CSMD1: variants seen among roughly 807,000 people sequenced by gnomAD.
CSMD1 encodes CUB and Sushi multiple domains 1.
CSMD1 carries 213 observed loss-of-function variants against 417.5 expected under a neutral mutation model. That is an observed-to-expected ratio of 0.51 (90% CI 0.46 to 0.57). The LOEUF is 0.57. Among genes scored for constraint, CSMD1 ranks in the 20% least tolerant of loss-of-function variants. The pLI is 0.00. For synonymous variants in CSMD1, 2,862 were observed against 1,736.8 expected (o/e 1.65, Z -16.11); for missense variants, 6,923 against 4,529.7 (o/e 1.53, Z -15.17).
intron 3 of CSMD1, among the ~76,000 whole-genome samples, chr8:4,042,578 A>G (rs1024444332): frequency 6.6e-6 from 1 of 152,050 alleles, no homozygotes; most frequent in African/African-American, 2.4e-5. Context: ...GTAATAGCAT[A>G]GTAAGGAATT....
In CSMD1 at chr8:3,875,470, G is replaced by A. The variant is rs76045825; in HGVS notation, c.819-121428C>T. 4.4e-4 allele frequency among the ~76,000 whole-genome samples: 67 copies of A among 152,222 alleles called. No individual in the cohort carries two copies. The East Asian group carries it at 8.9e-3, about 20-fold the overall frequency. ...TGTAGGTGAATGGGTGGAAAAGCCC[G>A]AACTGGGTTCCGAGGGTCACTGGCA... On this transcript the variant is annotated intron_variant, in intron 5 of 69. Coordinates refer to ENST00000635120, the MANE Select transcript of CSMD1 (RefSeq NM_033225.6).
chr8:4,440,328 G>T (rs1163842295), intron 2 of CSMD1, among the ~76,000 whole-genome samples: 1 of 152,114 alleles, frequency 6.6e-6, no homozygotes, highest in East Asian at 1.9e-4. Flanking sequence ...TCTATTAACT[G>T]GGAAGCATGT....
chr8:3,439,309 A>ATATATATATATATTTTTT lies in CSMD1; in HGVS notation c.1561+29402_1561+29403insAAAAAATATATATATATA. Among the ~76,000 whole-genome samples the ATATATATATATATTTTTT allele has an allele frequency of 4.1e-3, 256 of 62,266 alleles. 2 individuals are homozygous for ATATATATATATATTTTTT. Among genetic ancestry groups the ATATATATATATATTTTTT allele is most frequent in the Non-Finnish European group, 6.0e-3 (209 of 34,658 alleles). 40.8% of individuals were successfully genotyped at this position (62,266 alleles called of 152,430 possible). A position where few individuals can be genotyped will look rare whatever the true frequency, so the allele number is the denominator to read the frequency against. On this transcript the variant is annotated intron_variant, in intron 12 of 69. Transcript: ENST00000635120. ...TATATATATATATATATATATATATATTTTTTTTTTTAATATGTATTTTTA... is the reference window on the plus strand; with the variant it reads ...TATATATATATATATATATATATATATATATATATATATTTTTTTTTTTTTTTTTAATATGTATTTTTA...
chr8:3,535,251 C>A (rs1001616434), intron 10 of CSMD1, among the ~76,000 whole-genome samples: 1 of 152,122 alleles, frequency 6.6e-6, no homozygotes, highest in Non-Finnish European at 1.5e-5. Context: ...CCGCACCCAG[C>A]CACTGTGGGA....
intron 7 of CSMD1, among the ~76,000 whole-genome samples, chr8:3,702,699 G>T (rs187680066): frequency 1.3e-5 from 2 of 152,160 alleles, no homozygotes; most frequent in African/African-American, 2.4e-5. Context: ...GGGCATCGTG[G>T]TGCATGCCTG....
chr8:3,134,400 C>A (rs757422442), intron 41 of CSMD1, among the ~76,000 whole-genome samples: 1 of 152,122 alleles, frequency 6.6e-6, no homozygotes, highest in African/African-American at 2.4e-5. Context: ...CGAAGGCATG[C>A]GCTGCAAGTC....
At chr8:4,168,186 C>A (rs1452442165) in intron 3 of CSMD1, among the ~76,000 whole-genome samples, 6 of 150,790 alleles carry the variant, frequency 4.0e-5, no homozygotes, top group Non-Finnish European at 5.9e-5. Context: ...CATACACACA[C>A]ACGTATGTAT....
intron 3 of CSMD1, among the ~76,000 whole-genome samples, chr8:4,045,008 A>G (rs561502115): frequency 6.6e-6 from 1 of 152,352 alleles, no homozygotes; most frequent in Non-Finnish European, 1.5e-5. Flanking sequence ...TATAATTACA[A>G]TGTTATGCCT....
chr8:4,197,283 C>A (rs1021520375), intron 3 of CSMD1, among the ~76,000 whole-genome samples: 1 of 152,182 alleles, frequency 6.6e-6, no homozygotes, highest in Non-Finnish European at 1.5e-5. Flanking sequence ...AAGTATTAGG[C>A]ATTAAGTATT....
At chr8:3,648,628 C>G (rs1394198524) in intron 7 of CSMD1, among the ~76,000 whole-genome samples, 3 of 152,152 alleles carry the variant, frequency 2.0e-5, no homozygotes, top group African/African-American at 7.2e-5. Flanking sequence ...ACGAGTTTCT[C>G]TAGAGCATAA....
intron 3 of CSMD1, among the ~76,000 whole-genome samples, chr8:4,350,871 T>A (rs368354609): frequency 1.3e-5 from 2 of 152,214 alleles, no homozygotes; most frequent in African/African-American, 2.4e-5. Context: ...CTAGTTCCGG[T>A]GGATGGAGGG....
At chr8:4,726,671 C>A (rs1189958994) in intron 1 of CSMD1, among the ~76,000 whole-genome samples, 3 of 152,194 alleles carry the variant, frequency 2.0e-5, no homozygotes, top group Admixed American at 2.0e-4. Context: ...CTCTGTTGCT[C>A]TGCTGCTGTC....
chr8:4,394,851 G>A (rs1804091777), intron 3 of CSMD1, among the ~76,000 whole-genome samples: 1 of 151,862 alleles, frequency 6.6e-6, no homozygotes, highest in Non-Finnish European at 1.5e-5. Flanking sequence ...GTGCTTCTCT[G>A]GGCTAGAGAG....
intron 25 of CSMD1, among the ~76,000 whole-genome samples, chr8:3,289,978 TA>T (rs1433493522): frequency 6.8e-6 from 1 of 147,670 alleles, no homozygotes; most frequent in Non-Finnish European, 1.5e-5. Context: ...TTTAAGTCTT[TA>T]ATCCATCTTG....
Position 3,219,273 on chromosome 8 carries a change from A to T in CSMD1, c.4654T>A (p.Phe1552Ile), listed in dbSNP as rs1371535883. ...GCAATACCTTTAAATTCAATGGCGA[A>T]CCCTGAAAGGCCCACGGAGGCATCA... is the stretch of plus-strand genomic sequence containing the variant. The part of the protein sequence containing the change: ...RSDASVGLSG[F>I]AIEFKEKPRE... Residue 1552 changes from phenylalanine to isoleucine, a missense_variant, in exon 29 of 70, where the codon TTC becomes ATC. Coordinates refer to ENST00000635120, the MANE Select transcript of CSMD1 (RefSeq NM_033225.6). 1 of 1,593,754 alleles carries T rather than the reference A, an allele frequency of 6.3e-7. No homozygotes were observed. The highest frequency in any genetic ancestry group is 2.3e-5 in the East Asian group (1 of 44,284).
At chr8:3,340,475 T>C (rs1807575402) in intron 23 of CSMD1, among the ~76,000 whole-genome samples, 1 of 152,222 alleles carries the variant, frequency 6.6e-6, no homozygotes, top group Non-Finnish European at 1.5e-5. Flanking sequence ...TCTGAAACAT[T>C]TAAATACTAA....
chr8:4,886,415 T>G lies in CSMD1; in HGVS notation c.85+107917A>C, dbSNP rs77414599. On this transcript the variant is annotated intron_variant, in intron 1 of 69. Transcript: ENST00000635120. Reference sequence around the variant, plus strand: ...TGGATTTTTCTTGATAATGTTTTGTTGAGGAAATTTGCATCTATATTCATA... The same window carrying G: ...TGGATTTTTCTTGATAATGTTTTGTGGAGGAAATTTGCATCTATATTCATA... 1.7e-3 allele frequency among the ~76,000 whole-genome samples: 260 copies of G among 152,166 alleles called. 1 individual carries two copies. The East Asian group carries it at 0.018, about 10-fold the overall frequency.
intron 1 of CSMD1, among the ~76,000 whole-genome samples, chr8:4,959,695 A>G (rs1384279963): frequency 6.6e-6 from 1 of 152,196 alleles, no homozygotes. Flanking sequence ...AAACCCTCCA[A>G]TAGTTCTCTC....
intron 5 of CSMD1, among the ~76,000 whole-genome samples, chr8:3,886,554 C>T (rs555332336): frequency 3.3e-4 from 51 of 152,296 alleles, no homozygotes; most frequent in South Asian, 2.1e-3. Flanking sequence ...ACTTTAATGA[C>T]GAAGCGTGGC....
Sources: allele counts gnomAD v4.1 joint callset (sites outside exome capture counted in the v4.1 genomes callset), GRCh38; gene constraint gnomAD v4.1.1; transcripts MANE v1.5; gene names NCBI Gene and HGNC (gene_info 2026-07-23, HGNC 2026-07-21).